PLCXD3: variants seen among roughly 807,000 people sequenced by gnomAD.
The protein encoded by PLCXD3 is phosphatidylinositol specific phospholipase C X domain containing 3, also known as PI-PLC X domain-containing protein 3.
Under a neutral mutation model 25.5 loss-of-function variants are expected in PLCXD3, and 19 were observed. That is an observed-to-expected ratio of 0.75 (90% confidence interval 0.52 to 1.09). The LOEUF is 1.09. PLCXD3 is among the 50% of genes least tolerant of loss of function. PLCXD3 has a pLI of 0.00. For synonymous variants in PLCXD3, 174 were observed against 137.6 expected, an observed-to-expected ratio of 1.26 and a Z score of -1.85; for missense variants, 411 against 388.1, an observed-to-expected ratio of 1.06 and a Z score of -0.50.
rs182769691 is a variant in PLCXD3, at chr5:41,460,910, A to G, written c.103+49514T>C. ...CTAAGTGTTTCATGTCTCTGAAGCT[A>G]TAACTTGTTATAAATTATAACAAAT... is the stretch of plus-strand genomic sequence containing the variant. On this transcript the variant is annotated intron_variant, in intron 1 of 2. Coordinates refer to ENST00000377801, the MANE Select transcript of PLCXD3 (RefSeq NM_001005473.3). 1.9e-3 allele frequency among the ~76,000 whole-genome samples: 296 copies of G among 152,076 alleles called. 2 individuals carry two copies. The highest frequency in any genetic ancestry group is 6.8e-3 in the African/African-American group (283 of 41,532).
At chr5:41,349,447 T>C (rs189652542) in intron 2 of PLCXD3, among the ~76,000 whole-genome samples, 1 of 152,274 alleles carries the variant, frequency 6.6e-6, no homozygotes, top group Non-Finnish European at 1.5e-5. Flanking sequence ...AGGGATGGAG[T>C]TCTTTAAACT....
intron 1 of PLCXD3, among the ~76,000 whole-genome samples, chr5:41,438,723 G>A (rs1022724778): frequency 4.0e-5 from 6 of 151,298 alleles, no homozygotes; most frequent in Admixed American, 6.6e-5. Flanking sequence ...ACACTAACAT[G>A]TGAAAGTCTC....
chr5:41,450,321 A>G (rs1341342768), intron 1 of PLCXD3, among the ~76,000 whole-genome samples: 2 of 152,130 alleles, frequency 1.3e-5, no homozygotes, highest in Non-Finnish European at 1.5e-5. Context: ...GCCAGGTGAT[A>G]GTTATTTTAT....
At chr5:41,441,054 A>G (rs968008193) in intron 1 of PLCXD3, among the ~76,000 whole-genome samples, 1 of 152,206 alleles carries the variant, frequency 6.6e-6, no homozygotes, top group African/African-American at 2.4e-5. Flanking sequence ...CTCTAACCTT[A>G]TAAACTACTC....
intron 2 of PLCXD3, among the ~76,000 whole-genome samples, chr5:41,377,894 G>C (rs910038801): frequency 6.6e-6 from 1 of 152,066 alleles, no homozygotes; most frequent in African/African-American, 2.4e-5. Context: ...AGGTAATCTA[G>C]CTCAAACTCC....
chr5:41,408,280 G>A (rs1430032338), intron 1 of PLCXD3, among the ~76,000 whole-genome samples: 1 of 152,152 alleles, frequency 6.6e-6, no homozygotes, highest in Non-Finnish European at 1.5e-5. Context: ...TGAATGTGAG[G>A]TATTAAGGTA....
intron 2 of PLCXD3, among the ~76,000 whole-genome samples, chr5:41,381,123 G>C (rs1302496323): frequency 6.6e-6 from 1 of 152,108 alleles, no homozygotes; most frequent in Non-Finnish European, 1.5e-5. Context: ...TTTTAAATCT[G>C]TAAGACAATA....
intron 2 of PLCXD3, among the ~76,000 whole-genome samples, chr5:41,368,230 T>A (rs1744992917): frequency 6.6e-6 from 1 of 152,202 alleles, no homozygotes; most frequent in Non-Finnish European, 1.5e-5. Context: ...CAATTATGAA[T>A]GGTAGTTCAT....
At chr5:41,492,051 A>C in intron 1 of PLCXD3, among the ~76,000 whole-genome samples, 1 of 152,224 alleles carries the variant, frequency 6.6e-6, no homozygotes, top group Admixed American at 6.5e-5. Flanking sequence ...ACAATTTGGC[A>C]TGATTTTGCA....
chr5:41,434,217 GC>G (rs1561272417), intron 1 of PLCXD3, among the ~76,000 whole-genome samples: 1 of 152,156 alleles, frequency 6.6e-6, no homozygotes, highest in East Asian at 1.9e-4. Flanking sequence ...GTATCACAAA[GC>G]ACCCTGGGTT....
chr5:41,447,567 G>T (rs1229560942), intron 1 of PLCXD3, among the ~76,000 whole-genome samples: 1 of 152,194 alleles, frequency 6.6e-6, no homozygotes, highest in African/African-American at 2.4e-5. Flanking sequence ...GAATTCAGAT[G>T]TGACTCCATG....
At chr5:41,502,435 G>A (rs1448688211) in intron 1 of PLCXD3, among the ~76,000 whole-genome samples, 2 of 152,006 alleles carry the variant, frequency 1.3e-5, no homozygotes, top group African/African-American at 4.8e-5. Flanking sequence ...ATGGGTCAGA[G>A]CACATCAATT....
At chr5:41,340,735 A>G (rs1744116616) in intron 2 of PLCXD3, among the ~76,000 whole-genome samples, 1 of 152,208 alleles carries the variant, frequency 6.6e-6, no homozygotes, top group East Asian at 1.9e-4. Flanking sequence ...AAGAATGAAT[A>G]AATACTTTCT....
intron 1 of PLCXD3, among the ~76,000 whole-genome samples, chr5:41,427,909 C>G (rs1035054093): frequency 1.3e-5 from 2 of 152,148 alleles, no homozygotes; most frequent in African/African-American, 4.8e-5. Context: ...TTAATGTAAT[C>G]AAAATCAGAA....
rs1743085857 is a variant in PLCXD3 at position 41,310,011 on chromosome 5, T to A, written c.*3606A>T. ...ATGTGTGTGAAATGTGCATTCTGTG[T>A]GTGTGTGTAATGTGTGTATGTGCAC... is the stretch of plus-strand genomic sequence containing the variant. On this transcript the variant is annotated 3_prime_UTR_variant, in exon 3 of 3. Transcript: ENST00000377801. 6.6e-6 allele frequency: 1 copy of A among 152,146 alleles called. No homozygotes were observed. The highest frequency in any genetic ancestry group is 1.5e-5 in the Non-Finnish European group (1 of 68,024). The allele number at this position is 152,146 out of a possible 1,614,324, so 9.4% of individuals were successfully genotyped here. A position where few individuals can be genotyped will look rare whatever the true frequency, so the allele number is the denominator to read the frequency against.
At chr5:41,383,933 T>G (rs1285648491) in intron 1 of PLCXD3, among the ~76,000 whole-genome samples, 2 of 152,056 alleles carry the variant, frequency 1.3e-5, no homozygotes, top group Non-Finnish European at 2.9e-5. Flanking sequence ...TGTATATATA[T>G]CCATGTATCT....
At chr5:41,492,083 T>G (rs1199894960) in intron 1 of PLCXD3, among the ~76,000 whole-genome samples, 7 of 152,380 alleles carry the variant, frequency 4.6e-5, no homozygotes, top group Admixed American at 3.3e-4. Context: ...TGGTTGTTCC[T>G]TTCCATGTTT....
At chr5:41,390,995 C>A (rs1310656797) in intron 1 of PLCXD3, among the ~76,000 whole-genome samples, 1 of 152,166 alleles carries the variant, frequency 6.6e-6, no homozygotes, top group African/African-American at 2.4e-5. Flanking sequence ...AGCTGATGCT[C>A]GCTTCCTAAG....
chr5:41,386,760 A>G (rs1437291764), intron 1 of PLCXD3, among the ~76,000 whole-genome samples: 3 of 152,112 alleles, frequency 2.0e-5, no homozygotes, highest in Non-Finnish European at 2.9e-5. Context: ...ATAAACATCA[A>G]TTTAAACTGA....
Sources: allele counts gnomAD v4.1 joint callset (sites outside exome capture counted in the v4.1 genomes callset), GRCh38; gene constraint gnomAD v4.1.1; transcripts MANE v1.5; gene names NCBI Gene and HGNC (gene_info 2026-07-23, HGNC 2026-07-21).